The following RBMS3 variants were observed in gnomAD, a reference collection of about 807,000 sequenced individuals.
RBMS3 encodes the protein RNA-binding motif, single-stranded-interacting protein 3.
A neutral mutation model predicts 66.8 loss-of-function variants in RBMS3; 27 were observed. The ratio of observed to expected loss-of-function variants is 0.40; its 90% CI spans 0.30 to 0.56. The LOEUF (loss-of-function observed/expected upper bound fraction) is 0.56, where lower values mean the gene tolerates loss of function less well. Ranked by LOEUF, RBMS3 falls within the 20% of genes least tolerant of loss-of-function variation. The probability of loss-of-function intolerance (pLI) is 0.40; values close to 1 mark genes in which losing one functional copy is unlikely to be tolerated. For missense variants in RBMS3, 513 were observed against 549.5 expected (o/e 0.93, Z 0.66); for synonymous variants, 188 against 183.0 (o/e 1.03, Z -0.22).
At chr3:29,873,454 G>C (rs1001291133) in intron 7 of RBMS3, among the ~76,000 whole-genome samples, 3 of 152,162 alleles carry the variant, frequency 2.0e-5, no homozygotes. Flanking sequence ...CTGAAACTCT[G>C]CTGAGGTTGT....
At chr3:29,886,783 A>T (rs888167965) in intron 8 of RBMS3, among the ~76,000 whole-genome samples, 17 of 151,760 alleles carry the variant, frequency 1.1e-4, no homozygotes, top group African/African-American at 3.6e-4. Flanking sequence ...TCTTAGTAGG[A>T]AGCATCATTA....
intron 10 of RBMS3, among the ~76,000 whole-genome samples, chr3:29,907,821 A>G (rs1332502465): frequency 6.6e-6 from 1 of 152,124 alleles, no homozygotes; most frequent in Non-Finnish European, 1.5e-5. Flanking sequence ...AGATTATAAA[A>G]TCTTCATACC....
chr3:29,689,534 G>GT (rs552599179), intron 4 of RBMS3, among the ~76,000 whole-genome samples: 9 of 152,050 alleles, frequency 5.9e-5, no homozygotes, highest in Non-Finnish European at 1.2e-4. Flanking sequence ...GAGTTTTACA[G>GT]TATTTTATTA....
intron 6 of RBMS3, among the ~76,000 whole-genome samples, chr3:29,769,329 G>A (rs1050501285): frequency 2.0e-5 from 3 of 151,898 alleles, no homozygotes; most frequent in African/African-American, 7.2e-5. Flanking sequence ...AAGGTGAGGT[G>A]CAGGCACAGA....
intron 1 of RBMS3, among the ~76,000 whole-genome samples, chr3:29,404,446 G>T (rs2039932960): frequency 1.3e-5 from 2 of 152,098 alleles, no homozygotes; most frequent in African/African-American, 4.8e-5. Flanking sequence ...TATAGGTACA[G>T]CTTACTATCT....
intron 2 of RBMS3, among the ~76,000 whole-genome samples, chr3:29,476,480 C>T (rs907940528): frequency 5.9e-5 from 9 of 152,106 alleles, no homozygotes; most frequent in Admixed American, 2.6e-4. Flanking sequence ...TCGATTTATG[C>T]GATTATGAAT....
rs1296353016 is a variant in RBMS3, at chr3:29,998,189, C to A, written c.1308-5667C>A. On this transcript the variant is annotated intron_variant, in intron 14 of 14. Coordinates refer to ENST00000383767, the MANE Select transcript of RBMS3 (RefSeq NM_001003793.3). ...AATTGCTTCAAAGAGAATAAAATAC[C>A]TAGGAATCCAACTTACAAGAGATGT... Among the ~76,000 whole-genome samples, 5 of 152,186 alleles carry A rather than the reference C, an allele frequency of 3.3e-5. No individual in the cohort carries two copies. The South Asian group carries it at 1.0e-3, about 32-fold the overall frequency.
At chr3:29,757,453 A>C (rs892348430) in intron 5 of RBMS3, among the ~76,000 whole-genome samples, 1 of 152,176 alleles carries the variant, frequency 6.6e-6, no homozygotes, top group African/African-American at 2.4e-5. Context: ...ATACCTGTAG[A>C]CTGGGTTTGG....
chr3:29,567,742 TC>T (rs1468436546), intron 3 of RBMS3, among the ~76,000 whole-genome samples: 1 of 152,160 alleles, frequency 6.6e-6, no homozygotes, highest in African/African-American at 2.4e-5. Flanking sequence ...CCTCATAGCC[TC>T]TCTCTGTGCA....
Position 29,868,887 on chromosome 3 carries a change from G to A in RBMS3, c.667G>A (p.Ala223Thr). ...APSEPLLCKF[A>T]DGGQKKRQNQ... ...CAGTGAGCCTTTGCTGTGCAAATTCGCTGATGGAGGACAAAAGAAGCGACA... is the reference window on the plus strand; with the variant it reads ...CAGTGAGCCTTTGCTGTGCAAATTCACTGATGGAGGACAAAAGAAGCGACA... Residue 223 changes from alanine to threonine, a missense_variant, in exon 7 of 15, where the codon GCT becomes ACT. By Grantham distance (58) the Ala-to-Thr change is moderately conservative. Transcript: ENST00000383767. 2 of 1,602,518 alleles carry A rather than the reference G, an allele frequency of 1.2e-6. No individual in the cohort carries two copies. The highest frequency in any genetic ancestry group is 1.7e-6 in the Non-Finnish European group (2 of 1,173,738).
chr3:29,712,283 A>G (rs185076733), intron 4 of RBMS3, among the ~76,000 whole-genome samples: 356 of 151,872 alleles, frequency 2.3e-3, no homozygotes, highest in Non-Finnish European at 1.9e-3. Flanking sequence ...AAAGATTTGT[A>G]TTTGGTTTTT....
intron 6 of RBMS3, among the ~76,000 whole-genome samples, chr3:29,780,363 C>T (rs2065053466): frequency 6.6e-6 from 1 of 151,698 alleles, no homozygotes; most frequent in Admixed American, 6.6e-5. Flanking sequence ...TGACTACATG[C>T]TTTCTATATT....
intron 1 of RBMS3, among the ~76,000 whole-genome samples, chr3:29,328,320 C>T (rs192317892): frequency 3.9e-5 from 6 of 152,122 alleles, no homozygotes; most frequent in African/African-American, 1.2e-4. Context: ...TTATCTGTTT[C>T]GTTATGTGTT....
intron 3 of RBMS3, among the ~76,000 whole-genome samples, chr3:29,497,323 T>A (rs2043792489): frequency 6.6e-6 from 1 of 152,200 alleles, no homozygotes; most frequent in Non-Finnish European, 1.5e-5. Flanking sequence ...AAAACATTTT[T>A]AAAATAATTG....
At chr3:29,879,055 A>G (rs2059676675) in intron 7 of RBMS3, among the ~76,000 whole-genome samples, 1 of 152,126 alleles carries the variant, frequency 6.6e-6, no homozygotes, top group Admixed American at 6.5e-5. Context: ...ATTTAAAGTA[A>G]AAATAAAAAT....
chr3:29,813,456 G>A (rs1029925937), intron 6 of RBMS3, among the ~76,000 whole-genome samples: 7 of 152,056 alleles, frequency 4.6e-5, no homozygotes, highest in African/African-American at 1.4e-4. Flanking sequence ...TTGACTTGGC[G>A]ATGCGGGCTC....
intron 1 of RBMS3, among the ~76,000 whole-genome samples, chr3:29,412,036 C>T (rs1049310069): frequency 4.6e-5 from 7 of 152,196 alleles, no homozygotes; most frequent in African/African-American, 1.7e-4. Flanking sequence ...TTTTAAAATT[C>T]AAATGTGCAT....
intron 4 of RBMS3, among the ~76,000 whole-genome samples, chr3:29,657,470 T>G (rs1213124410): frequency 1.3e-5 from 2 of 152,238 alleles, no homozygotes; most frequent in African/African-American, 4.8e-5. Context: ...GTGTTCAACT[T>G]TGAAAATGTT....
At chr3:29,323,996 G>GAAA (rs34678893) in intron 1 of RBMS3, among the ~76,000 whole-genome samples, 1 of 145,504 alleles carries the variant, frequency 6.9e-6, no homozygotes, top group African/African-American at 2.5e-5. Context: ...TGCCCACTCT[G>GAAA]AAAAAAAAAA....
Sources: allele counts gnomAD v4.1 joint callset (sites outside exome capture counted in the v4.1 genomes callset), GRCh38; gene constraint gnomAD v4.1.1; transcripts MANE v1.5; gene names NCBI Gene and HGNC (gene_info 2026-07-23, HGNC 2026-07-21).